RBFOX1: variants seen among roughly 807,000 people sequenced by gnomAD.
RBFOX1 encodes RNA binding protein fox-1 homolog 1.
Under a neutral mutation model 57.7 loss-of-function variants are expected in RBFOX1, and 8 were observed. The ratio of observed to expected loss-of-function variants is 0.14; its 90% CI spans 0.08 to 0.25. The LOEUF (loss-of-function observed/expected upper bound fraction) is 0.25. RBFOX1 is among the 10% of genes least tolerant of loss of function. The pLI, the probability that RBFOX1 is intolerant of heterozygous loss-of-function variation, is 1.00. For missense variants in RBFOX1, 611 were observed against 548.5 expected, an observed-to-expected ratio of 1.11 and a Z score of -1.14; for synonymous variants, 326 against 222.4, an observed-to-expected ratio of 1.47 and a Z score of -4.15.
intron 1 of RBFOX1, among the ~76,000 whole-genome samples, chr16:5,271,847 G>C (rs1483007162): frequency 1.3e-5 from 2 of 152,146 alleles, no homozygotes; most frequent in Non-Finnish European, 2.9e-5. Context: ...AAATCATGCA[G>C]TATTTGTCTT....
At chr16:6,452,272 T>C (rs12919516) in intron 2 of RBFOX1, among the ~76,000 whole-genome samples, 2 of 150,806 alleles carry the variant, frequency 1.3e-5, no homozygotes, top group Admixed American at 1.3e-4. Context: ...CCATGGCTCC[T>C]TCCTTCCATG....
intron 2 of RBFOX1, among the ~76,000 whole-genome samples, chr16:6,460,451 A>G (rs1597564989): frequency 6.8e-6 from 1 of 146,362 alleles, no homozygotes; most frequent in South Asian, 2.4e-4. Flanking sequence ...ATGAACAGAC[A>G]CTTCTCAAAA....
intron 1 of RBFOX1, among the ~76,000 whole-genome samples, chr16:6,040,322 C>G (rs760996538): frequency 2.6e-5 from 4 of 152,210 alleles, no homozygotes; most frequent in Non-Finnish European, 4.4e-5. Context: ...TTTCATCTTG[C>G]AAAACTGAAA....
chr16:6,736,047 C>G (rs12935160), intron 3 of RBFOX1, among the ~76,000 whole-genome samples: 1 of 152,164 alleles, frequency 6.6e-6, no homozygotes, highest in Non-Finnish European at 1.5e-5. Context: ...ATGGTTACCC[C>G]AATATTTTTC....
At chr16:6,124,428 C>T (rs892666678) in intron 1 of RBFOX1, among the ~76,000 whole-genome samples, 1 of 152,112 alleles carries the variant, frequency 6.6e-6, no homozygotes, top group African/African-American at 2.4e-5. Flanking sequence ...TAAGATGACC[C>T]CTAGGGATTG....
At chr16:6,966,158 T>G (rs768859976) in intron 3 of RBFOX1, among the ~76,000 whole-genome samples, 1 of 152,056 alleles carries the variant, frequency 6.6e-6, no homozygotes, top group South Asian at 2.1e-4. Context: ...AAGGAGACAT[T>G]TACGCTCTTG....
intron 4 of RBFOX1, among the ~76,000 whole-genome samples, chr16:7,113,370 G>A (rs917954437): frequency 5.3e-5 from 8 of 152,118 alleles, no homozygotes; most frequent in Admixed American, 3.9e-4. Flanking sequence ...TCTTTCCGCA[G>A]TAAAGATTCT....
rs577219492 is a variant in RBFOX1, at chr16:5,731,361, T to TA, written c.318+132400_318+132401insA. Among the ~76,000 whole-genome samples, 31 of 152,340 alleles carry TA rather than the reference T, an allele frequency of 2.0e-4. No homozygotes were observed. In the East Asian group the frequency reaches 4.6e-3, roughly 23 times the overall value. ...TGTAATCACCATCATATTAATCAAT[T>TA]CATATTTACAAAGTACTTTCTTTGT... On this transcript the variant is annotated intron_variant, in intron 3 of 19. Transcript: ENST00000641259.
intron 2 of RBFOX1, among the ~76,000 whole-genome samples, chr16:5,586,574 T>A (rs867278162): frequency 5.3e-5 from 8 of 152,344 alleles, no homozygotes; most frequent in African/African-American, 1.9e-4. Flanking sequence ...TATAACTCAC[T>A]GCAGCCTCAA....
Position 6,322,759 on chromosome 16 carries a change from C to T in RBFOX1, c.-64+5702C>T, listed in dbSNP as rs145398425. On this transcript the variant is annotated intron_variant, in intron 2 of 15. Transcript: ENST00000550418. ...GTTGGAAGTGGAAGAGGTTAAAAGG[C>T]GCCAGTTGGAATACAAGAGGGAGAG... Among the ~76,000 whole-genome samples, 11 of 152,190 alleles carry T rather than the reference C, an allele frequency of 7.2e-5. No homozygotes were observed. The East Asian group carries it at 1.2e-3, about 16-fold the overall frequency.
intron 4 of RBFOX1, among the ~76,000 whole-genome samples, chr16:5,940,275 A>C (rs1165138912): frequency 6.6e-6 from 1 of 152,190 alleles, no homozygotes; most frequent in Non-Finnish European, 1.5e-5. Flanking sequence ...TCTTCCACCT[A>C]AGTTAAATTC....
At chr16:7,022,001 T>C (rs1464307704) in intron 3 of RBFOX1, among the ~76,000 whole-genome samples, 1 of 18,336 alleles carries the variant, frequency 5.5e-5, no homozygotes, top group Non-Finnish European at 8.1e-5. Flanking sequence ...CCCCTCCCCC[T>C]CTCCCTCCCC....
At chr16:6,121,027 A>G (rs992525779) in intron 1 of RBFOX1, among the ~76,000 whole-genome samples, 5 of 152,198 alleles carry the variant, frequency 3.3e-5, no homozygotes, top group African/African-American at 9.7e-5. Context: ...GTAATTTTAC[A>G]TTCTACTTTA....
At chr16:7,254,913 C>G (rs921698305) in intron 4 of RBFOX1, among the ~76,000 whole-genome samples, 2 of 152,094 alleles carry the variant, frequency 1.3e-5, no homozygotes, top group East Asian at 3.8e-4. Flanking sequence ...ACCATCATTT[C>G]TCTAGACATT....
intron 4 of RBFOX1, among the ~76,000 whole-genome samples, chr16:7,212,698 A>G (rs148658367): frequency 9.8e-5 from 15 of 152,360 alleles, no homozygotes; most frequent in African/African-American, 3.6e-4. Context: ...CTTACGCTAC[A>G]TGAGGACAAA....
At chr16:6,148,061 G>A (rs903758590) in intron 1 of RBFOX1, among the ~76,000 whole-genome samples, 4 of 152,178 alleles carry the variant, frequency 2.6e-5, no homozygotes, top group Admixed American at 2.0e-4. Context: ...GGGCACGGTG[G>A]CTCAAGCCTG....
chr16:7,708,300 C>G (rs1177772020), intron 14 of RBFOX1, among the ~76,000 whole-genome samples: 1 of 152,160 alleles, frequency 6.6e-6, no homozygotes, highest in Non-Finnish European at 1.5e-5. Context: ...CGTTTGGTTT[C>G]CATCTCTTCT....
Position 5,321,110 on chromosome 16 carries a change from C to T in RBFOX1, c.219+81005C>T, listed in dbSNP as rs1405398175. On this transcript the variant is annotated intron_variant, in intron 1 of 2. Coordinates refer to the RBFOX1 transcript ENST00000585867. ...GGAGACTGAATACATTTTAGCTGGA[C>T]CCAGTTTCCCAAGCTCAGTACTATA... Among the ~76,000 whole-genome samples, 9 of 152,148 alleles carry T rather than the reference C, an allele frequency of 5.9e-5. 1 individual carries two copies. Among genetic ancestry groups the T allele is most frequent in the Non-Finnish European group, 1.3e-4 (9 of 68,038 alleles).
chr16:6,933,099 A>G (rs1042921127), intron 3 of RBFOX1, among the ~76,000 whole-genome samples: 2 of 152,176 alleles, frequency 1.3e-5, no homozygotes, highest in African/African-American at 4.8e-5. Flanking sequence ...GATGAATTAC[A>G]TTCCATTGTA....
Sources: gnomAD v4.1 joint callset for allele counts (sites outside exome capture counted in the v4.1 genomes callset) on GRCh38, gnomAD v4.1.1 for gene constraint, MANE v1.5 for transcripts, NCBI Gene and HGNC (gene_info 2026-07-23, HGNC 2026-07-21) for gene names.